Variants in WDSUB1 observed in about 807,000 individuals in gnomAD.
WDSUB1 encodes WD repeat, sterile alpha motif and U-box domain containing 1.
Under a neutral mutation model 53.9 loss-of-function variants are expected in WDSUB1, and 49 were observed. The ratio of observed to expected loss-of-function variants is 0.91; its 90% CI spans 0.72 to 1.15. The LOEUF is 1.15. Ranked by LOEUF, WDSUB1 falls within the 50% of genes most tolerant of loss-of-function variation. The pLI is 0.00. For missense variants in WDSUB1, 514 were observed against 562.0 expected (o/e 0.91, Z 0.86); for synonymous variants, 194 against 200.6 (o/e 0.97, Z 0.28).
chr2:159,285,384 A>T (rs1461996178), intron 1 of WDSUB1, among the ~76,000 whole-genome samples: 1 of 148,798 alleles, frequency 6.7e-6, no homozygotes, highest in Non-Finnish European at 1.5e-5. Flanking sequence ...CCTTTGTCCT[A>T]GTCTTATTTA....
intron 5 of WDSUB1, among the ~76,000 whole-genome samples, chr2:159,260,144 T>C (rs1453576904): frequency 1.3e-5 from 2 of 151,886 alleles, no homozygotes; most frequent in Non-Finnish European, 1.5e-5. Context: ...CTACTAAAAA[T>C]ACAGAAAAAA....
At chr2:159,251,348 C>A (rs1340785157) in intron 9 of WDSUB1, among the ~76,000 whole-genome samples, 2 of 152,132 alleles carry the variant, frequency 1.3e-5, no homozygotes, top group Admixed American at 6.6e-5. Flanking sequence ...AAATATTCTA[C>A]ATGTGTGCTA....
intron 4 of WDSUB1, among the ~76,000 whole-genome samples, chr2:159,274,452 A>G (rs929907534): frequency 3.3e-5 from 5 of 152,354 alleles, no homozygotes; most frequent in African/African-American, 1.2e-4. Context: ...GAAAATTAGA[A>G]TGACACAGAC....
At position 159,273,480 on chromosome 2, in the gene WDSUB1, G is replaced by A. The variant is rs1336680690; in HGVS notation, c.677-1685C>T. Among the ~76,000 whole-genome samples the A allele has an allele frequency of 2.0e-5, 3 of 152,010 alleles. No homozygotes were observed. In the East Asian group the frequency reaches 5.8e-4, roughly 29 times the overall value. On this transcript the variant is annotated intron_variant, in intron 4 of 10. Coordinates refer to ENST00000359774, the MANE Select transcript of WDSUB1 (RefSeq NM_001128212.3). ...CTGTCACCCAGGCTGGAGTGCGGTG[G>A]TACAGTCTCGGCTCACTGCAACCTC...
At chr2:159,276,947 G>A (rs2061553799) in intron 3 of WDSUB1, among the ~76,000 whole-genome samples, 1 of 152,196 alleles carries the variant, frequency 6.6e-6, no homozygotes, top group Non-Finnish European at 1.5e-5. Context: ...TGAGGCTGCA[G>A]TGAGCTATGA....
rs1035441770 is a variant in WDSUB1 at position 159,265,094 on chromosome 2, A to T, written c.771-5251T>A. Reference sequence around the variant, plus strand: ...AGCGAAACTCCATCTCAAAAAAAAAAAAAAATAAAACAACAACAACAACAA... The same window carrying T: ...AGCGAAACTCCATCTCAAAAAAAAATAAAAATAAAACAACAACAACAACAA... On this transcript the variant is annotated intron_variant, in intron 5 of 10. Coordinates refer to ENST00000359774, the MANE Select transcript of WDSUB1 (RefSeq NM_001128212.3). Among the ~76,000 whole-genome samples the T allele has an allele frequency of 1.2e-4, 17 of 145,796 alleles. 1 individual carries two copies. The highest frequency in any genetic ancestry group is 4.0e-4 in the East Asian group (2 of 5,052).
intron 3 of WDSUB1, among the ~76,000 whole-genome samples, chr2:159,275,917 C>G (rs1331513139): frequency 6.6e-6 from 1 of 152,220 alleles, no homozygotes; most frequent in East Asian, 1.9e-4. Flanking sequence ...TATTGAGCCA[C>G]TCAATAGAGC....
At chr2:159,244,468 G>T (rs368127589) in intron 10 of WDSUB1, among the ~76,000 whole-genome samples, 3 of 152,110 alleles carry the variant, frequency 2.0e-5, no homozygotes, top group Admixed American at 2.0e-4. Context: ...AGCTAGAGAT[G>T]ATTTGAAAGG....
At chr2:159,258,476 C>T (rs944715382) in intron 6 of WDSUB1, among the ~76,000 whole-genome samples, 6 of 152,080 alleles carry the variant, frequency 3.9e-5, no homozygotes, top group Non-Finnish European at 7.4e-5. Flanking sequence ...CTGGCCAACA[C>T]GGTGAAACCC....
At chr2:159,252,522 T>C (rs1322768136) in intron 9 of WDSUB1, among the ~76,000 whole-genome samples, 1 of 151,662 alleles carries the variant, frequency 6.6e-6, no homozygotes, top group South Asian at 2.1e-4. Context: ...GAAGGGAGAG[T>C]GGGCCAACTT....
chr2:159,270,055 T>C (rs2061418986), intron 5 of WDSUB1, among the ~76,000 whole-genome samples: 1 of 152,166 alleles, frequency 6.6e-6, no homozygotes, highest in Admixed American at 6.5e-5. Context: ...AAACCATCAT[T>C]ATCCACAAAT....
chr2:159,240,119 T>G (rs1010755999), intron 10 of WDSUB1, among the ~76,000 whole-genome samples: 2 of 152,238 alleles, frequency 1.3e-5, no homozygotes, highest in Non-Finnish European at 2.9e-5. Context: ...TTGCCTGTTT[T>G]GGGCATTTCA....
chr2:159,242,271 A>G (rs533905834), intron 10 of WDSUB1, among the ~76,000 whole-genome samples: 2 of 145,504 alleles, frequency 1.4e-5, no homozygotes, highest in Non-Finnish European at 3.0e-5. Flanking sequence ...GTTAGCCAGG[A>G]TGGTCTCGCT....
intron 9 of WDSUB1, among the ~76,000 whole-genome samples, chr2:159,253,543 T>C (rs1052071057): frequency 4.7e-5 from 7 of 150,278 alleles, no homozygotes; most frequent in East Asian, 1.9e-4. Context: ...ATAATAGATA[T>C]ACGACTTTGG....
chr2:159,259,761 C>A, intron 6 of WDSUB1, 49 bp downstream of exon 6: 1 of 1,480,274 alleles, frequency 6.8e-7, no homozygotes, highest in Non-Finnish European at 9.1e-7. Flanking sequence ...GTTCAGTAGT[C>A]TAATAAACAT....
intron 5 of WDSUB1, among the ~76,000 whole-genome samples, chr2:159,264,118 C>T (rs1014822120): frequency 1.3e-5 from 2 of 152,162 alleles, no homozygotes; most frequent in African/African-American, 4.8e-5. Context: ...TATCTTCCCC[C>T]AATGTATCAA....
At chr2:159,271,275 G>A (rs1389999900) in intron 5 of WDSUB1, among the ~76,000 whole-genome samples, 2 of 152,054 alleles carry the variant, frequency 1.3e-5, no homozygotes, top group South Asian at 2.1e-4. Flanking sequence ...TTATTGTAAT[G>A]CCCTCAAACC....
At chr2:159,253,101 TTAG>T (rs532454995) in intron 9 of WDSUB1, among the ~76,000 whole-genome samples, 219 of 152,362 alleles carry the variant, frequency 1.4e-3, no homozygotes, top group African/African-American at 5.0e-3. Flanking sequence ...GTGTGGCTAG[TTAG>T]TAGTAGACTC....
intron 10 of WDSUB1, among the ~76,000 whole-genome samples, chr2:159,245,822 C>T (rs1350969211): frequency 6.6e-6 from 1 of 152,102 alleles, no homozygotes; most frequent in Non-Finnish European, 1.5e-5. Flanking sequence ...ATCTCTGAAA[C>T]CTTGGGGTAG....
Sources: allele counts gnomAD v4.1 joint callset (sites outside exome capture counted in the v4.1 genomes callset), GRCh38; gene constraint gnomAD v4.1.1; transcripts MANE v1.5; gene names NCBI Gene and HGNC (gene_info 2026-07-23, HGNC 2026-07-21).